The following FGGY variants were observed in gnomAD, a reference collection of about 807,000 sequenced individuals.
FGGY encodes FGGY carbohydrate kinase domain containing.
FGGY carries 72 observed loss-of-function variants against 71.3 expected under a neutral mutation model. The observed-to-expected ratio is 1.01, with a 90% CI of 0.84 to 1.23. FGGY has a LOEUF of 1.23. Ranked by LOEUF, FGGY falls within the 50% of genes most tolerant of loss-of-function variation. FGGY has a pLI of 0.00. For synonymous variants in FGGY, 251 were observed against 250.3 expected (o/e 1.00, Z -0.02); for missense variants, 668 against 682.3 (o/e 0.98, Z 0.23).
chr1:59,595,275 C>T (rs776216248), intron 8 of FGGY, among the ~76,000 whole-genome samples: 1 of 151,640 alleles, frequency 6.6e-6, no homozygotes, highest in Non-Finnish European at 1.5e-5. Flanking sequence ...TGTTAGTTGC[C>T]TTCCCTCCCT....
At chr1:59,387,592 A>AG (rs1022434834) in intron 5 of FGGY, among the ~76,000 whole-genome samples, 19 of 152,202 alleles carry the variant, frequency 1.2e-4, no homozygotes, top group Admixed American at 9.2e-4. Flanking sequence ...TTAAAAAAAA[A>AG]TTTTTTTGCA....
At chr1:59,586,672 G>C (rs1196392756) in intron 8 of FGGY, among the ~76,000 whole-genome samples, 1 of 152,054 alleles carries the variant, frequency 6.6e-6, no homozygotes, top group South Asian at 2.1e-4. Context: ...AAAAATAAAA[G>C]ACCACGTGAA....
intron 2 of FGGY, among the ~76,000 whole-genome samples, chr1:59,322,626 T>G (rs1164740754): frequency 6.6e-6 from 1 of 152,118 alleles, no homozygotes; most frequent in African/African-American, 2.4e-5. Context: ...AAACATGGTG[T>G]GTTCTGATAA....
chr1:59,373,078 G>T (rs888294975), intron 4 of FGGY, among the ~76,000 whole-genome samples: 1 of 152,058 alleles, frequency 6.6e-6, no homozygotes, highest in African/African-American at 2.4e-5. Context: ...GGCAGGAGAA[G>T]GAAAGAATGG....
At chr1:59,512,585 A>G in intron 7 of FGGY, 146 bp downstream of exon 7, 1 of 684,752 alleles carries the variant, frequency 1.5e-6, no homozygotes, top group Non-Finnish European at 2.1e-6. Flanking sequence ...TTTTACAGCT[A>G]GGCATTTGGA....
intron 9 of FGGY, among the ~76,000 whole-genome samples, chr1:59,625,424 G>GTGAT (rs2096846667): frequency 6.6e-6 from 1 of 152,098 alleles, no homozygotes; most frequent in African/African-American, 2.4e-5. Context: ...TGTTCAGTCA[G>GTGAT]GAGAGTTTCT....
At chr1:59,529,717 T>C (rs186637824) in intron 7 of FGGY, among the ~76,000 whole-genome samples, 39 of 152,276 alleles carry the variant, frequency 2.6e-4, no homozygotes, top group African/African-American at 8.7e-4. Context: ...TGGCAAATCA[T>C]TGAAGGTGAT....
chr1:59,373,540 G>C (rs1325267231), intron 4 of FGGY, among the ~76,000 whole-genome samples: 1 of 152,006 alleles, frequency 6.6e-6, no homozygotes, highest in Non-Finnish European at 1.5e-5. Flanking sequence ...TTTCTTCACA[G>C]AATTGGAAAA....
intron 5 of FGGY, among the ~76,000 whole-genome samples, chr1:59,442,527 C>T (rs1293740616): frequency 6.6e-6 from 1 of 152,162 alleles, no homozygotes; most frequent in African/African-American, 2.4e-5. Flanking sequence ...ACGAAATCTT[C>T]AGGTCTGTAC....
intron 4 of FGGY, among the ~76,000 whole-genome samples, chr1:59,365,185 C>T (rs61375921): frequency 0.031 from 4,760 of 152,202 alleles, 97 homozygotes; most frequent in East Asian, 0.055. Flanking sequence ...ATTGATATTT[C>T]TCAGAGAGCA....
chr1:59,585,199 C>A (rs1040647766), intron 8 of FGGY, among the ~76,000 whole-genome samples: 1 of 152,140 alleles, frequency 6.6e-6, no homozygotes, highest in Non-Finnish European at 1.5e-5. Flanking sequence ...CAAAAAAGAG[C>A]CCACATTGCC....
intron 5 of FGGY, among the ~76,000 whole-genome samples, chr1:59,425,091 A>G (rs2066114721): frequency 6.6e-6 from 1 of 152,192 alleles, no homozygotes; most frequent in Non-Finnish European, 1.5e-5. Flanking sequence ...TACTTCCCTT[A>G]GAATATGCTT....
At chr1:59,367,253 T>C (rs962362291) in intron 4 of FGGY, among the ~76,000 whole-genome samples, 7 of 152,232 alleles carry the variant, frequency 4.6e-5, no homozygotes, top group Non-Finnish European at 8.8e-5. Context: ...ATTTTATTCA[T>C]TCTGAGAAGT....
intron 5 of FGGY, among the ~76,000 whole-genome samples, chr1:59,403,027 T>C (rs563151381): frequency 9.2e-5 from 14 of 152,240 alleles, no homozygotes; most frequent in Non-Finnish European, 1.9e-4. Context: ...CGTGTGAGTC[T>C]AAGCCTATTG....
chr1:59,725,639 T>G (rs1380896261), intron 14 of FGGY, among the ~76,000 whole-genome samples: 1 of 151,938 alleles, frequency 6.6e-6, no homozygotes, highest in Non-Finnish European at 1.5e-5. Context: ...TGTTTTTTGT[T>G]TTTTTTGCAG....
At chr1:59,621,415 GAT>G (rs2096805084) in intron 9 of FGGY, among the ~76,000 whole-genome samples, 1 of 122,682 alleles carries the variant, frequency 8.2e-6, no homozygotes, top group Non-Finnish European at 1.6e-5. Flanking sequence ...GTTTCCATGT[GAT>G]ATCTTTTCCC....
At chr1:59,301,038 A>G (rs547650638) in intron 1 of FGGY, among the ~76,000 whole-genome samples, 4 of 152,286 alleles carry the variant, frequency 2.6e-5, no homozygotes, top group Admixed American at 2.6e-4. Context: ...ATTGTATTGA[A>G]TGTATACATT....
In FGGY at chr1:59,714,630, A is replaced by T. The variant is rs374640846; in HGVS notation, c.1512+40497A>T. 4.6e-5 allele frequency among the ~76,000 whole-genome samples: 7 copies of T among 152,290 alleles called. No individual in the cohort carries two copies. In the South Asian group the frequency reaches 1.5e-3, roughly 32 times the overall value. ...CACATGCATAAAAACAACCATTACT[A>T]TGTCTTCTCAGCTACAGTACCAGAG... On this transcript the variant is annotated intron_variant, in intron 14 of 15. Coordinates refer to ENST00000303721, the MANE Select transcript of FGGY (RefSeq NM_018291.5).
chr1:59,651,829 T>C (rs1452119668), intron 11 of FGGY, among the ~76,000 whole-genome samples: 2 of 151,896 alleles, frequency 1.3e-5, no homozygotes, highest in African/African-American at 2.4e-5. Context: ...CGTTAGTTGA[T>C]GCAGTTTCTT....
Sources: gnomAD v4.1 joint callset for allele counts (sites outside exome capture counted in the v4.1 genomes callset) on GRCh38, gnomAD v4.1.1 for gene constraint, MANE v1.5 for transcripts, NCBI Gene and HGNC (gene_info 2026-07-23, HGNC 2026-07-21) for gene names.